Variants in ZNF385B observed in about 807,000 individuals in gnomAD.
The protein encoded by ZNF385B is zinc finger protein 385B, also known as zinc finger protein 533.
Under a neutral mutation model 39.2 loss-of-function variants are expected in ZNF385B, and 23 were observed. That is an observed-to-expected ratio of 0.59 (90% confidence interval 0.42 to 0.83). The LOEUF (loss-of-function observed/expected upper bound fraction) is 0.83. Ranked by LOEUF, ZNF385B falls within the 40% of genes least tolerant of loss-of-function variation. The probability of loss-of-function intolerance (pLI) is 0.00; values close to 1 mark genes in which losing one functional copy is unlikely to be tolerated. For missense variants in ZNF385B, 552 were observed against 598.9 expected, an observed-to-expected ratio of 0.92 and a Z score of 0.82; for synonymous variants, 205 against 222.6, an observed-to-expected ratio of 0.92 and a Z score of 0.70.
chr2:179,670,490 C>CGA (rs374765246), intron 3 of ZNF385B, among the ~76,000 whole-genome samples: 59,564 of 148,870 alleles, frequency 0.4, 12,102 homozygotes, highest in African/African-American at 0.51. Flanking sequence ...AAAACAAAAA[C>CGA]AAACAAAAAA....
intron 3 of ZNF385B, chr2:179,562,342 C>T (rs1400563657): frequency 3.2e-6 from 3 of 950,122 alleles, no homozygotes; most frequent in East Asian, 1.2e-4. Context: ...ATTTTTGTCA[C>T]ATATTTCATA....
At chr2:179,822,680 C>A (rs1035305952) in intron 1 of ZNF385B, among the ~76,000 whole-genome samples, 3 of 152,168 alleles carry the variant, frequency 2.0e-5, no homozygotes, top group Admixed American at 2.0e-4. Flanking sequence ...ATAGAGGTAG[C>A]AAACCTACAC....
At position 179,444,853 on chromosome 2, in the gene ZNF385B, GT is replaced by G. The variant is rs571494357; in HGVS notation, c.1242+22del. 241 of 1,595,194 alleles carry G rather than the reference GT, an allele frequency of 1.5e-4. No homozygotes were observed. The South Asian group carries it at 2.5e-3, about 17-fold the overall frequency. On this transcript the variant is annotated intron_variant, in intron 9 of 9. Transcript: ENST00000410066. Reference sequence around the variant, plus strand: ...CCAGCAAGGCTGCCCCACAAAACAGGTGAGCAGGTGAGGTAAACTTACTGCT... The same window carrying G: ...CCAGCAAGGCTGCCCCACAAAACAGGGAGCAGGTGAGGTAAACTTACTGCT...
intron 3 of ZNF385B, among the ~76,000 whole-genome samples, chr2:179,646,388 G>T (rs1035818676): frequency 2.6e-5 from 4 of 152,234 alleles, no homozygotes; most frequent in African/African-American, 9.6e-5. Flanking sequence ...ATCCAGCGTG[G>T]ATGACAAGAA....
chr2:179,713,487 T>C (rs997835838), intron 3 of ZNF385B, among the ~76,000 whole-genome samples: 2 of 152,180 alleles, frequency 1.3e-5, no homozygotes, highest in African/African-American at 4.8e-5. Context: ...CCACTATAAC[T>C]ATTCCCTCTC....
chr2:179,772,684 T>C (rs1004259331), intron 1 of ZNF385B, among the ~76,000 whole-genome samples: 10 of 152,212 alleles, frequency 6.6e-5, no homozygotes, highest in Non-Finnish European at 1.3e-4. Flanking sequence ...AAGGGGAAAC[T>C]AACAGTGAGT....
intron 5 of ZNF385B, among the ~76,000 whole-genome samples, chr2:179,504,823 A>T (rs1436438908): frequency 1.3e-5 from 2 of 151,984 alleles, no homozygotes; most frequent in South Asian, 4.1e-4. Context: ...AGAAAAAAAA[A>T]AAAACCAGAT....
chr2:179,791,285 C>G (rs1221110848), intron 1 of ZNF385B, among the ~76,000 whole-genome samples: 2 of 152,196 alleles, frequency 1.3e-5, no homozygotes, highest in African/African-American at 4.8e-5. Flanking sequence ...GATTTATAGT[C>G]TTGCTACTTC....
intron 1 of ZNF385B, among the ~76,000 whole-genome samples, chr2:179,792,370 C>CTT (rs1346808450): frequency 1.4e-5 from 1 of 70,684 alleles, no homozygotes; most frequent in Non-Finnish European, 2.7e-5. Context: ...ATTTCATTTT[C>CTT]TTTTCTTTTT....
chr2:179,697,803 C>A (rs1698881773), intron 3 of ZNF385B, among the ~76,000 whole-genome samples: 1 of 152,032 alleles, frequency 6.6e-6, no homozygotes, highest in Non-Finnish European at 1.5e-5. Context: ...AAAGAACATG[C>A]TTGATAGACT....
At chr2:179,493,781 A>ATATGTATAGG (rs1491404646) in intron 5 of ZNF385B, among the ~76,000 whole-genome samples, 1 of 91,804 alleles carries the variant, frequency 1.1e-5, no homozygotes, top group African/African-American at 3.9e-5. Context: ...ATATGTATAT[A>ATATGTATAGG]CACATATGTA....
At chr2:179,758,836 T>C (rs975550694) in intron 3 of ZNF385B, among the ~76,000 whole-genome samples, 2 of 152,192 alleles carry the variant, frequency 1.3e-5, no homozygotes, top group Non-Finnish European at 2.9e-5. Context: ...TGTGCACCAA[T>C]GAGTCCGGCA....
chr2:179,443,582 A>G (rs1213008429), intron 9 of ZNF385B, 114 bp from the exon 10 acceptor site: 1 of 810,158 alleles, frequency 1.2e-6, no homozygotes, highest in African/African-American at 1.7e-5. Context: ...AATTTTGAAA[A>G]TCTTCACTCT....
chr2:179,649,589 G>A (rs1009568680), intron 3 of ZNF385B, among the ~76,000 whole-genome samples: 9 of 152,116 alleles, frequency 5.9e-5, no homozygotes, highest in African/African-American at 2.2e-4. Context: ...GCTACAAGAT[G>A]ATACACCAGA....
intron 1 of ZNF385B, among the ~76,000 whole-genome samples, chr2:179,817,572 C>G (rs1707141087): frequency 6.6e-6 from 1 of 152,084 alleles, no homozygotes; most frequent in Non-Finnish European, 1.5e-5. Flanking sequence ...AAATCAAAGG[C>G]AGAAAAGTCA....
chr2:179,541,299 A>G (rs2059905178), intron 4 of ZNF385B, among the ~76,000 whole-genome samples: 1 of 152,230 alleles, frequency 6.6e-6, no homozygotes, highest in Admixed American at 6.5e-5. Flanking sequence ...ACCATGAAGC[A>G]TATTTCTTCA....
At chr2:179,693,221 C>T (rs187243589) in intron 3 of ZNF385B, among the ~76,000 whole-genome samples, 6 of 152,318 alleles carry the variant, frequency 3.9e-5, no homozygotes, top group African/African-American at 1.2e-4. Flanking sequence ...CAGGATAACG[C>T]ACACTCATTT....
intron 3 of ZNF385B, among the ~76,000 whole-genome samples, chr2:179,739,791 C>T (rs554739969): frequency 6.6e-6 from 1 of 152,142 alleles, no homozygotes; most frequent in South Asian, 2.1e-4. Context: ...AGATCATTTC[C>T]AAGCCATACC....
At chr2:179,747,567 T>C (rs1396470302) in intron 3 of ZNF385B, among the ~76,000 whole-genome samples, 3 of 152,104 alleles carry the variant, frequency 2.0e-5, no homozygotes, top group South Asian at 2.1e-4. Context: ...CCTTCGAAAA[T>C]AGTCATAGGA....
Sources: gnomAD v4.1 joint callset for allele counts (sites outside exome capture counted in the v4.1 genomes callset) on GRCh38, gnomAD v4.1.1 for gene constraint, MANE v1.5 for transcripts, NCBI Gene and HGNC (gene_info 2026-07-23, HGNC 2026-07-21) for gene names.